The following CNBD1 variants were observed in gnomAD, a reference collection of about 807,000 sequenced individuals.
CNBD1 encodes the protein cyclic nucleotide binding domain containing 1, also known as cyclic nucleotide-binding domain-containing protein 1.
In CNBD1, 71 loss-of-function variants were observed where a neutral mutation model predicts 54.4. That is an observed-to-expected ratio of 1.30 (90% CI 1.08 to 1.59). The LOEUF (loss-of-function observed/expected upper bound fraction) is 1.59. CNBD1 is among the 40% of genes most tolerant of loss of function. The pLI, the probability that CNBD1 is intolerant of heterozygous loss-of-function variation, is 0.00. For missense variants in CNBD1, 659 were observed against 518.0 expected (o/e 1.27, Z -2.64); for synonymous variants, 182 against 170.7 (o/e 1.07, Z -0.51).
chr8:87,067,048 G>T (rs1692063165), intron 4 of CNBD1, among the ~76,000 whole-genome samples: 1 of 151,914 alleles, frequency 6.6e-6, no homozygotes, highest in African/African-American at 2.4e-5. Context: ...TCTACTGGCT[G>T]CATTTTAAAT....
chr8:87,426,181 G>C (rs549326675), intron 2 of CNBD1, among the ~76,000 whole-genome samples: 2 of 152,166 alleles, frequency 1.3e-5, no homozygotes, highest in African/African-American at 4.8e-5. Flanking sequence ...TTCAGCTGGC[G>C]CACGGTGCGC....
At chr8:87,428,475 T>C in intron 2 of CNBD1, 1 of 338,232 alleles carries the variant, frequency 3.0e-6, no homozygotes, top group Non-Finnish European at 5.6e-6. Flanking sequence ...AAAAATAGGA[T>C]TAGCAATTGC....
chr8:87,102,546 T>G (rs192544211), intron 4 of CNBD1, among the ~76,000 whole-genome samples: 1 of 152,270 alleles, frequency 6.6e-6, no homozygotes, highest in Non-Finnish European at 1.5e-5. Flanking sequence ...CAAGAAATAG[T>G]TAATAGTGTG....
chr8:87,360,964 CT>C (rs1246108831), intron 10 of CNBD1, among the ~76,000 whole-genome samples: 5 of 151,854 alleles, frequency 3.3e-5, no homozygotes, highest in Non-Finnish European at 5.9e-5. Context: ...TCAAAAACTT[CT>C]TCCCAACACA....
intron 4 of CNBD1, among the ~76,000 whole-genome samples, chr8:87,143,184 G>T (rs1177192320): frequency 6.6e-6 from 1 of 152,096 alleles, no homozygotes. Flanking sequence ...TTGTAGCTAT[G>T]GTATAGCTAA....
At chr8:87,084,915 T>G (rs1008566625) in intron 4 of CNBD1, among the ~76,000 whole-genome samples, 8 of 152,206 alleles carry the variant, frequency 5.3e-5, no homozygotes, top group African/African-American at 4.8e-5. Flanking sequence ...CCTCAGGTGA[T>G]CCACCTGCCT....
intron 8 of CNBD1, among the ~76,000 whole-genome samples, chr8:87,316,625 T>A (rs990921079): frequency 4.6e-5 from 7 of 151,966 alleles, no homozygotes; most frequent in Non-Finnish European, 1.0e-4. Context: ...ATTACACTTT[T>A]TTTTTGCAAT....
At chr8:87,191,885 A>G (rs978506906) in intron 4 of CNBD1, among the ~76,000 whole-genome samples, 1 of 152,196 alleles carries the variant, frequency 6.6e-6, no homozygotes, top group African/African-American at 2.4e-5. Context: ...AATCTGTGGA[A>G]AACCTTTCTA....
intron 3 of CNBD1, among the ~76,000 whole-genome samples, chr8:86,937,925 T>C (rs549848135): frequency 6.6e-6 from 1 of 152,352 alleles, no homozygotes; most frequent in Non-Finnish European, 1.5e-5. Flanking sequence ...ATTTTCAGGC[T>C]GCAAATTTTC....
chr8:87,300,158 C>T (rs1808956432), intron 8 of CNBD1, among the ~76,000 whole-genome samples: 2 of 151,916 alleles, frequency 1.3e-5, no homozygotes, highest in South Asian at 4.1e-4. Context: ...GATATCAAAA[C>T]TCAATATTAT....
chr8:87,303,694 C>T (rs543245017), intron 8 of CNBD1, among the ~76,000 whole-genome samples: 1 of 150,056 alleles, frequency 6.7e-6, no homozygotes, highest in Non-Finnish European at 1.5e-5. Flanking sequence ...TCAGAGTGAA[C>T]AGGCAACCTA....
intron 2 of CNBD1, among the ~76,000 whole-genome samples, chr8:87,422,412 A>T (rs554859698): frequency 6.8e-6 from 1 of 148,008 alleles, no homozygotes; most frequent in East Asian, 1.9e-4. Flanking sequence ...TTTAGGTCTA[A>T]CGTTTAAGTC....
intron 4 of CNBD1, among the ~76,000 whole-genome samples, chr8:86,990,675 G>A (rs1165151514): frequency 6.6e-6 from 1 of 151,950 alleles, no homozygotes; most frequent in African/African-American, 2.4e-5. Context: ...ACTATTCTGG[G>A]TCTTTTGTTG....
At chr8:87,085,663 G>C (rs569885549) in intron 4 of CNBD1, among the ~76,000 whole-genome samples, 58 of 152,098 alleles carry the variant, frequency 3.8e-4, no homozygotes, top group Non-Finnish European at 8.2e-4. Flanking sequence ...CAGCTTTAGG[G>C]TTCCCCTGTG....
chr8:87,215,512 C>T (rs979048687), intron 5 of CNBD1, among the ~76,000 whole-genome samples: 6 of 150,040 alleles, frequency 4.0e-5, no homozygotes, highest in Non-Finnish European at 5.9e-5. Context: ...GGTGTGAACC[C>T]GGGAGGCGGA....
At position 87,275,013 on chromosome 8, in the gene CNBD1, C is replaced by G. The variant is rs1335943920; in HGVS notation, c.772-9665C>G. ...ATATGGCTAGCCAGTTTTCCCAGCA[C>G]CATTTATTAAATAGGGAATCCTTTC... On this transcript the variant is annotated intron_variant, in intron 6 of 10. Transcript: ENST00000518476. Among the ~76,000 whole-genome samples, 2 of 133,800 alleles carry G rather than the reference C, an allele frequency of 1.5e-5. 1 individual carries two copies. The highest frequency in any genetic ancestry group is 3.2e-5 in the Non-Finnish European group (2 of 62,448). 87.8% of individuals were successfully genotyped at this position (133,800 alleles called of 152,430 possible). A position where few individuals can be genotyped will look rare whatever the true frequency, so the allele number is the denominator to read the frequency against.
At chr8:87,327,534 A>T (rs2130906447) in intron 8 of CNBD1, among the ~76,000 whole-genome samples, 1 of 152,272 alleles carries the variant, frequency 6.6e-6, no homozygotes, top group South Asian at 2.1e-4. Flanking sequence ...CGGTCTGAAA[A>T]GCGCAATATT....
intron 5 of CNBD1, among the ~76,000 whole-genome samples, chr8:87,224,561 G>T (rs1427457044): frequency 2.0e-5 from 3 of 151,156 alleles, no homozygotes; most frequent in Non-Finnish European, 2.9e-5. Context: ...GTAGATGTGC[G>T]GTGTTATTTC....
rs1282582777 is a variant in CNBD1, at chr8:87,206,246, T to A, written c.577+108T>A. On this transcript the variant is annotated intron_variant, in intron 5 of 10. Transcript: ENST00000518476. ...TTTCACTTAACAATTTCAGTTGACA[T>A]GGTAAAAATGTACTATTTGGGTGTG... 5.9e-6 allele frequency: 5 copies of A among 854,226 alleles called. No homozygotes were observed. In the African/African-American group the frequency reaches 7.1e-5, roughly 12 times the overall value. 52.9% of individuals were successfully genotyped at this position (854,226 alleles called of 1,614,324 possible). A position where few individuals can be genotyped will look rare whatever the true frequency, so the allele number is the denominator to read the frequency against.
Sources: allele counts gnomAD v4.1 joint callset (sites outside exome capture counted in the v4.1 genomes callset), GRCh38; gene constraint gnomAD v4.1.1; transcripts MANE v1.5; gene names NCBI Gene and HGNC (gene_info 2026-07-23, HGNC 2026-07-21).